The following AP2B1 variants were observed in gnomAD, a reference collection of about 807,000 sequenced individuals.
AP2B1 encodes the protein adaptor related protein complex 2 subunit beta 1, also known as AP-2 complex subunit beta.
A neutral mutation model predicts 102.0 loss-of-function variants in AP2B1; 23 were observed. The ratio of observed to expected loss-of-function variants is 0.23; its 90% confidence interval spans 0.16 to 0.32. The LOEUF (loss-of-function observed/expected upper bound fraction) is 0.32, where lower values mean the gene tolerates loss of function less well. AP2B1 is among the 10% of genes least tolerant of loss of function. The pLI is 1.00. For synonymous variants in AP2B1, 381 were observed against 421.2 expected, an observed-to-expected ratio of 0.90 and a Z score of 1.17; for missense variants, 541 against 1,157.4, an observed-to-expected ratio of 0.47 and a Z score of 7.73.
chr17:35,660,023 A>G, intron 14 of AP2B1: 1 of 985,386 alleles, frequency 1.0e-6, no homozygotes, highest in African/African-American at 1.7e-5. Flanking sequence ...TATGCAAATT[A>G]CCTAAAGAGA....
At chr17:35,594,216 A>AT in intron 2 of AP2B1, 149 bp downstream of exon 2, 1 of 551,190 alleles carries the variant, frequency 1.8e-6, no homozygotes, top group Non-Finnish European at 3.2e-6. Context: ...AGATGAATGT[A>AT]TTCAAGCAAG....
At chr17:35,662,545 T>G (rs2075381470) in intron 14 of AP2B1, among the ~76,000 whole-genome samples, 1 of 150,388 alleles carries the variant, frequency 6.6e-6, no homozygotes, top group Non-Finnish European at 1.5e-5. Context: ...TTTTTTTTTT[T>G]TTTTTTATGA....
At chr17:35,682,636 G>T in intron 17 of AP2B1, 59 bp from the exon 18 acceptor site, 3 of 1,564,064 alleles carry the variant, frequency 1.9e-6, no homozygotes, top group Non-Finnish European at 2.6e-6. Context: ...GAGCCACCAT[G>T]CCCAGCCTAA....
chr17:35,679,391 C>CT (rs76352263), intron 17 of AP2B1, among the ~76,000 whole-genome samples: 3,864 of 142,744 alleles, frequency 0.027, 126 homozygotes, highest in East Asian at 0.19. Context: ...GACTTGCTAC[C>CT]TTTTTTTTTT....
chr17:35,719,438 T>C (rs1171626789), intron 21 of AP2B1, among the ~76,000 whole-genome samples: 1 of 152,198 alleles, frequency 6.6e-6, no homozygotes. Flanking sequence ...CCTTTCTCCA[T>C]TACTATAATT....
intron 1 of AP2B1, among the ~76,000 whole-genome samples, chr17:35,591,684 T>C (rs2073106684): frequency 6.6e-6 from 1 of 152,256 alleles, no homozygotes; most frequent in South Asian, 2.1e-4. Flanking sequence ...TGTTTGTATA[T>C]ATACATTCAT....
At chr17:35,650,935 A>C (rs2075071199) in intron 13 of AP2B1, 146 bp downstream of exon 13, 1 of 870,178 alleles carries the variant, frequency 1.1e-6, no homozygotes, top group Admixed American at 2.8e-5. Context: ...ACTGCTGTAC[A>C]TTTTTGGACA....
At chr17:35,629,393 G>A (rs960585394) in intron 9 of AP2B1, among the ~76,000 whole-genome samples, 3 of 151,862 alleles carry the variant, frequency 2.0e-5, no homozygotes, top group Non-Finnish European at 2.9e-5. Context: ...CTGTCTTCTT[G>A]TTTTTTCTAC....
At chr17:35,616,157 T>C (rs2074009511) in intron 5 of AP2B1, among the ~76,000 whole-genome samples, 1 of 84,598 alleles carries the variant, frequency 1.2e-5, no homozygotes, top group Non-Finnish European at 2.3e-5. Context: ...TTTTTTTTTT[T>C]TTTTTTTTTT....
intron 18 of AP2B1, among the ~76,000 whole-genome samples, chr17:35,689,811 G>A (rs945037521): frequency 3.9e-5 from 6 of 152,298 alleles, no homozygotes; most frequent in Non-Finnish European, 7.4e-5. Flanking sequence ...CAGTGCAGAA[G>A]TAAAACATTT....
At chr17:35,641,310 T>C (rs983767812) in intron 11 of AP2B1, among the ~76,000 whole-genome samples, 7 of 152,216 alleles carry the variant, frequency 4.6e-5, no homozygotes, top group Non-Finnish European at 8.8e-5. Flanking sequence ...CGGTTACTCA[T>C]GCCTGTAATC....
intron 2 of AP2B1, among the ~76,000 whole-genome samples, chr17:35,595,978 T>C (rs1198183161): frequency 6.6e-6 from 1 of 151,656 alleles, no homozygotes; most frequent in African/African-American, 2.4e-5. Flanking sequence ...AGTGTCCTGG[T>C]GACCTTTTTT....
intron 14 of AP2B1, among the ~76,000 whole-genome samples, chr17:35,660,825 A>G (rs1359470328): frequency 6.6e-6 from 1 of 152,204 alleles, no homozygotes; most frequent in Non-Finnish European, 1.5e-5. Context: ...TTCTGGAAAG[A>G]GGGCTCCTCC....
chr17:35,636,859 G>T (rs114699907), intron 10 of AP2B1, among the ~76,000 whole-genome samples: 1 of 152,068 alleles, frequency 6.6e-6, no homozygotes, highest in Non-Finnish European at 1.5e-5. Flanking sequence ...ATGATATATC[G>T]TATAGCACCC....
chr17:35,674,573 C>T (rs1434702552), intron 17 of AP2B1, among the ~76,000 whole-genome samples: 6 of 152,126 alleles, frequency 3.9e-5, no homozygotes, highest in Non-Finnish European at 8.8e-5. Flanking sequence ...AGCATGGTGG[C>T]AGGTACCTGT....
At chr17:35,710,114 G>T (rs2076417562) in intron 19 of AP2B1, 120 bp from the exon 20 acceptor site, 1 of 731,406 alleles carries the variant, frequency 1.4e-6, no homozygotes, top group Admixed American at 2.0e-5. Context: ...TCCATTCCCA[G>T]CCTGCTGCTA....
At chr17:35,680,651 C>T (rs2075797404) in intron 17 of AP2B1, among the ~76,000 whole-genome samples, 1 of 150,910 alleles carries the variant, frequency 6.6e-6, no homozygotes, top group South Asian at 2.1e-4. Flanking sequence ...GTTGGGATTA[C>T]AGGCATGAGC....
chr17:35,662,532 G>GTTT (rs34547701), intron 14 of AP2B1, among the ~76,000 whole-genome samples: 15 of 110,074 alleles, frequency 1.4e-4, no homozygotes, highest in South Asian at 3.1e-4. Flanking sequence ...GTTTGGGTTT[G>GTTT]TTTTTTTTTT....
intron 21 of AP2B1, among the ~76,000 whole-genome samples, chr17:35,722,086 CA>C (rs1187012505): frequency 6.7e-6 from 1 of 150,372 alleles, no homozygotes; most frequent in Admixed American, 6.6e-5. Flanking sequence ...ACTAAAAAGA[CA>C]AAAAAAAATA....
Sources: allele counts gnomAD v4.1 joint callset (sites outside exome capture counted in the v4.1 genomes callset), GRCh38; gene constraint gnomAD v4.1.1; transcripts MANE v1.5; gene names NCBI Gene and HGNC (gene_info 2026-07-23, HGNC 2026-07-21).